Variants in METTL4 observed in about 807,000 individuals in gnomAD.
The protein encoded by METTL4 is methyltransferase 4, N6-adenosine.
METTL4 carries 40 observed loss-of-function variants against 54.0 expected under a neutral mutation model. The observed-to-expected ratio is 0.74, with a 90% CI of 0.58 to 0.96. The LOEUF (loss-of-function observed/expected upper bound fraction) is 0.96. Among genes scored for constraint, METTL4 ranks in the 50% least tolerant of loss-of-function variants. METTL4 has a pLI of 0.00. For synonymous variants in METTL4, 169 were observed against 183.8 expected, an observed-to-expected ratio of 0.92 and a Z score of 0.65; for missense variants, 525 against 549.0, an observed-to-expected ratio of 0.96 and a Z score of 0.44.
At chr18:2,570,491 T>C (rs1474856094) in intron 1 of METTL4, among the ~76,000 whole-genome samples, 1 of 152,246 alleles carries the variant, frequency 6.6e-6, no homozygotes, top group Non-Finnish European at 1.5e-5. Flanking sequence ...ATGTTTCCAT[T>C]AATCTTTTCT....
In METTL4 at chr18:2,567,129, G is replaced by A. The variant is rs1198740256; in HGVS notation, c.88C>T (p.His30Tyr). Residue 30 changes from histidine to tyrosine, a missense_variant, in exon 2 of 9, where the codon CAT becomes TAT. Coordinates refer to ENST00000574538, the MANE Select transcript of METTL4 (RefSeq NM_022840.5). ...NKINYQLHQHHEPCCRKKEFT... is the reference protein window; with the variant it reads ...NKINYQLHQHYEPCCRKKEFT... ...TCCTTTTTACGGCAACAAGGTTCAT[G>A]ATGCTGGTGAAGTTGATAGTTTATC... 6.2e-7 allele frequency: 1 copy of A among 1,614,158 alleles called. No individual in the cohort carries two copies. Among genetic ancestry groups the A allele is most frequent in the Admixed American group, 1.7e-5 (1 of 60,026 alleles).
rs191901075 is a variant in METTL4, at chr18:2,554,983, C to T, written c.515G>A (p.Ser172Asn). Reference sequence around the variant, plus strand: ...TTCAAAAAGTGGATAAAGAAAACCACTTTTGAGACCTTCCTGGATCAACTG... The same window carrying T: ...TTCAAAAAGTGGATAAAGAAAACCATTTTTGAGACCTTCCTGGATCAACTG... ...SLQLIQEGLK[S>N]GFLYPLFEKQ... The change falls in exon 4 of 9, where the codon AGT (serine) becomes AAT (asparagine). Residue 172 changes from serine (S) to asparagine (N), a missense_variant. Ser to Asn is a conservative substitution (Grantham distance 46). Transcript: ENST00000574538. 3.5e-5 allele frequency: 57 copies of T among 1,614,042 alleles called. No homozygotes were observed. In the East Asian group the frequency reaches 1.2e-3, roughly 35 times the overall value.
Position 2,554,397 on chromosome 18 carries a change from C to T in METTL4, c.829+272G>A, listed in dbSNP as rs116438358. On this transcript the variant is annotated intron_variant, in intron 4 of 8. Coordinates refer to ENST00000574538, the MANE Select transcript of METTL4 (RefSeq NM_022840.5). ...TAAAAAAAAAAGTGATTTGGTTAAA[C>T]ACAACTGCATACCGAATTCCTAAGT... is the stretch of plus-strand genomic sequence containing the variant. 2.6e-3 allele frequency: 827 copies of T among 324,046 alleles called. 10 individuals carry two copies. The highest frequency in any genetic ancestry group is 0.017 in the African/African-American group (767 of 45,788). 20.1% of individuals were successfully genotyped at this position (324,046 alleles called of 1,614,324 possible). A position where few individuals can be genotyped will look rare whatever the true frequency, so the allele number is the denominator to read the frequency against.
At chr18:2,544,061 A>C in intron 8 of METTL4, 134 bp downstream of exon 8, 1 of 569,496 alleles carries the variant, frequency 1.8e-6, no homozygotes. Context: ...GAATTCTGCT[A>C]TAAAGTTTTA....
rs565320455 is a variant in METTL4, at chr18:2,542,884, T to C, written c.1273+1311A>G. Among the ~76,000 whole-genome samples, 24 of 152,162 alleles carry C rather than the reference T, an allele frequency of 1.6e-4. No homozygotes were observed. The South Asian group carries it at 5.0e-3, about 32-fold the overall frequency. On this transcript the variant is annotated intron_variant, in intron 8 of 8. Coordinates refer to ENST00000574538, the MANE Select transcript of METTL4 (RefSeq NM_022840.5). ...GGCTCATGCCTGTAATCCCAGCACTTTGGGAGGCCGAGGCGGGCGGATCAC... is the reference window on the plus strand; with the variant it reads ...GGCTCATGCCTGTAATCCCAGCACTCTGGGAGGCCGAGGCGGGCGGATCAC...
chr18:2,549,381 G>A (rs1456666044), intron 5 of METTL4, among the ~76,000 whole-genome samples: 1 of 152,132 alleles, frequency 6.6e-6, no homozygotes, highest in Non-Finnish European at 1.5e-5. Context: ...AGGAGAGAGG[G>A]AGGAGAGAGT....
chr18:2,558,482 A>T (rs1428721677), intron 3 of METTL4, among the ~76,000 whole-genome samples: 4 of 152,328 alleles, frequency 2.6e-5, no homozygotes, highest in Admixed American at 2.6e-4. Flanking sequence ...ATTTAGAGGG[A>T]AACTTACAGC....
intron 3 of METTL4, chr18:2,555,300 G>A: frequency 1.2e-5 from 5 of 408,758 alleles, no homozygotes; most frequent in South Asian, 9.3e-5. Flanking sequence ...ACATGTATAA[G>A]GTAAATTTGA....
At chr18:2,542,573 T>C (rs1471206995) in intron 8 of METTL4, among the ~76,000 whole-genome samples, 1 of 152,096 alleles carries the variant, frequency 6.6e-6, no homozygotes, top group Non-Finnish European at 1.5e-5. Flanking sequence ...AACACTAGCT[T>C]TGTTACCAAG....
rs775095070 is a variant in METTL4, at chr18:2,545,850, C to T, written c.1075-1091G>A. Among the ~76,000 whole-genome samples the T allele has an allele frequency of 2.6e-5, 4 of 152,020 alleles. No individual in the cohort carries two copies. In the South Asian group the frequency reaches 8.3e-4, roughly 32 times the overall value. ...AATATGTATAATTGCCTAATAAATG[C>T]TTCATATAACATAATAGATGATATT... On this transcript the variant is annotated intron_variant, in intron 6 of 8. Coordinates refer to ENST00000574538, the MANE Select transcript of METTL4 (RefSeq NM_022840.5).
At chr18:2,559,721 T>G (rs2072288377) in intron 3 of METTL4, among the ~76,000 whole-genome samples, 1 of 152,152 alleles carries the variant, frequency 6.6e-6, no homozygotes, top group Non-Finnish European at 1.5e-5. Flanking sequence ...TAGGATGAAA[T>G]GAACACATTT....
intron 6 of METTL4, among the ~76,000 whole-genome samples, chr18:2,545,260 C>A (rs1165503471): frequency 6.6e-6 from 1 of 152,034 alleles, no homozygotes; most frequent in South Asian, 2.1e-4. Flanking sequence ...CTACTCTTAA[C>A]TAAAATTGAT....
chr18:2,538,005 A>G lies in METTL4; in HGVS notation c.*995T>C, dbSNP rs2071935934. 5 of 398,324 alleles carry G rather than the reference A, an allele frequency of 1.3e-5. No homozygotes were observed. The highest frequency in any genetic ancestry group is 1.8e-5 in the Non-Finnish European group (4 of 225,954). 24.7% of individuals were successfully genotyped at this position (398,324 alleles called of 1,614,324 possible). ...CACTGTGGCAGACAGACAACTGTAT[A>G]TATGTTTTCAAAATTCACTGAATTT... On this transcript the variant is annotated 3_prime_UTR_variant, in exon 9 of 9. Coordinates refer to ENST00000574538, the MANE Select transcript of METTL4 (RefSeq NM_022840.5).
At chr18:2,556,931 C>CA (rs1201212538) in intron 3 of METTL4, among the ~76,000 whole-genome samples, 2 of 152,082 alleles carry the variant, frequency 1.3e-5, no homozygotes, top group African/African-American at 4.8e-5. Flanking sequence ...GAGAAATGTT[C>CA]AAAGCAGTGA....
intron 5 of METTL4, among the ~76,000 whole-genome samples, chr18:2,548,449 C>A (rs949299259): frequency 1.3e-5 from 2 of 152,140 alleles, no homozygotes; most frequent in African/African-American, 4.8e-5. Context: ...GAATCCATTT[C>A]ATCCTCAACA....
intron 5 of METTL4, among the ~76,000 whole-genome samples, chr18:2,549,031 C>G (rs1251622623): frequency 6.6e-6 from 1 of 152,172 alleles, no homozygotes; most frequent in Non-Finnish European, 1.5e-5. Flanking sequence ...AAACCCTCAC[C>G]ACTCTTCAGA....
chr18:2,546,790 T>C (rs987965841), intron 6 of METTL4, among the ~76,000 whole-genome samples: 11 of 152,128 alleles, frequency 7.2e-5, no homozygotes, highest in Admixed American at 2.0e-4. Flanking sequence ...TTCAACCAAT[T>C]CTAGAGTCCA....
chr18:2,563,843 A>C lies in METTL4; in HGVS notation c.413T>G (p.Val138Gly). 1 of 1,609,600 alleles carries C rather than the reference A, an allele frequency of 6.2e-7. No individual in the cohort carries two copies. Among genetic ancestry groups the C allele is most frequent in the Non-Finnish European group, 8.5e-7 (1 of 1,177,814 alleles). Residue 138 changes from valine to glycine, a missense_variant, in exon 3 of 9, where the codon GTT (valine) becomes GGT (glycine). By Grantham distance (109) the Val-to-Gly change is moderately radical. Transcript: ENST00000574538. ...ATCCAATTCACCTTGATTGAAAACA[A>C]CACATCTTTTACGCTTCTAAAGGGT... The part of the protein sequence containing the change: ...SIIGKKRKRC[V>G]VFNQGELDAM...
At chr18:2,541,090 G>A (rs2253824) in intron 8 of METTL4, among the ~76,000 whole-genome samples, 64,841 of 151,936 alleles carry the variant, frequency 0.43, 13,991 homozygotes, top group Middle Eastern at 0.48. Flanking sequence ...GTAAGTTTTT[G>A]CATGGTTCTT....
Sources: allele counts gnomAD v4.1 joint callset (sites outside exome capture counted in the v4.1 genomes callset), GRCh38; gene constraint gnomAD v4.1.1; transcripts MANE v1.5; gene names NCBI Gene and HGNC (gene_info 2026-07-23, HGNC 2026-07-21).